Variants in THBS3 observed in about 807,000 individuals in gnomAD.
The protein encoded by THBS3 is thrombospondin-3.
Under a neutral mutation model 118.3 loss-of-function variants are expected in THBS3, and 78 were observed. The observed-to-expected ratio is 0.66, with a 90% confidence interval of 0.55 to 0.80. THBS3 has a LOEUF of 0.80. Among genes scored for constraint, THBS3 ranks in the 30% least tolerant of loss-of-function variants. The probability of loss-of-function intolerance (pLI) is 0.00; values close to 1 mark genes in which losing one functional copy is unlikely to be tolerated. For synonymous variants in THBS3, 427 were observed against 475.3 expected (o/e 0.90, Z 1.32); for missense variants, 1,057 against 1,247.4 (o/e 0.85, Z 2.30).
upstream of THBS3, chr1:155,208,926 C>A (rs1256804829): frequency 1.2e-6 from 2 of 1,611,252 alleles, no homozygotes; most frequent in Admixed American, 1.7e-5. Flanking sequence ...CGCACAAGAC[C>A]CCGCTCTCCA....
In THBS3 at chr1:155,196,070, G is replaced by T. The variant is rs760165277; in HGVS notation, c.2729C>A (p.Thr910Lys). The stretch of plus-strand genomic sequence containing the variant: ...ACCAAGACGCCCCCCTCGCATGGAT[G>T]TGTCAATGATCACCCCAGAATCCGC... ...LVADSGVIID[T>K]SMRGGRLGVF... The change falls in exon 22 of 23, where the codon ACA becomes AAA. Residue 910 changes from threonine (T) to lysine (K), a missense_variant. Physicochemically the swap from Thr to Lys is moderately conservative, Grantham distance 78. Coordinates refer to ENST00000368378, the MANE Select transcript of THBS3 (RefSeq NM_007112.5). 1 of 1,614,166 alleles carries T rather than the reference G, an allele frequency of 6.2e-7. No individual in the cohort carries two copies. Among genetic ancestry groups the T allele is most frequent in the Admixed American group, 1.7e-5 (1 of 60,036 alleles).
chr1:155,206,166 C>A lies in THBS3; in HGVS notation c.286+34G>T. Reference sequence around the variant, plus strand: ...GATGAGGGAGAGTGCTTAAGGAGGTCACCATTGCAAGAAAGGAGATGCCCA... The same window carrying A: ...GATGAGGGAGAGTGCTTAAGGAGGTAACCATTGCAAGAAAGGAGATGCCCA... On this transcript the variant is annotated intron_variant, in intron 2 of 22. Transcript: ENST00000368378. The surrounding 1 kb of genome is among the most constrained non-coding windows in gnomAD (Gnocchi z 4.2). 1.2e-6 allele frequency: 2 copies of A among 1,610,104 alleles called. No homozygotes were observed. Among genetic ancestry groups the A allele is most frequent in the South Asian group, 2.2e-5 (2 of 90,840 alleles).
upstream of THBS3, chr1:155,208,793 G>T (rs191739539): frequency 1.6e-4 from 239 of 1,517,962 alleles, 1 homozygote; most frequent in East Asian, 4.9e-3. Flanking sequence ...AACATAACGC[G>T]CTGTGGAAAA....
In THBS3 at chr1:155,199,863, G is replaced by A. The variant is rs1401005435; in HGVS notation, c.1828-7C>T. 2 of 1,614,072 alleles carry A rather than the reference G, an allele frequency of 1.2e-6. No individual in the cohort carries two copies. The highest frequency in any genetic ancestry group is 2.7e-5 in the African/African-American group (2 of 74,926). On this transcript the variant is annotated splice_region_variant and splice_polypyrimidine_tract_variant and intron_variant, in intron 15 of 22. Coordinates refer to ENST00000368378, the MANE Select transcript of THBS3 (RefSeq NM_007112.5). ...GGTCGCTGTCTGCATCTGTCTGAGA[G>A]AGAGGGACCTGTTCTCACCATCTCC...
chr1:155,200,839 CAG>C, intron 13 of THBS3, 56 bp downstream of exon 13: 1 of 1,613,222 alleles, frequency 6.2e-7, no homozygotes, highest in Non-Finnish European at 8.5e-7. Context: ...AAGTGAGGCA[CAG>C]AGAGGACAGG....
Position 155,196,841 on chromosome 1 carries a change from C to T in THBS3, c.2672+200G>A, listed in dbSNP as rs142638118. On this transcript the variant is annotated intron_variant, in intron 21 of 22. Transcript: ENST00000368378. Reference sequence around the variant, plus strand: ...TAAAGGGCATCTAACCCAATGCCCTCATTTTACAGACGGGAAAATGGGTCA... The same window carrying T: ...TAAAGGGCATCTAACCCAATGCCCTTATTTTACAGACGGGAAAATGGGTCA... 1.2e-3 allele frequency: 727 copies of T among 598,788 alleles called. 1 individual carries two copies. The highest frequency in any genetic ancestry group is 1.3e-3 in the Admixed American group (43 of 32,946). The allele number at this position is 598,788 out of a possible 1,614,324, so 37.1% of individuals were successfully genotyped here.
chr1:155,200,924 A>C lies in THBS3; in HGVS notation c.1521T>G (p.Ala507=). The change falls in exon 13 of 23, where the codon GCT becomes GCG. Residue 507 remains alanine (A), a synonymous_variant. Coordinates refer to ENST00000368378, the MANE Select transcript of THBS3 (RefSeq NM_007112.5). ...DGVGDQCDDD[A]DGDGIKNVED... The stretch of plus-strand genomic sequence containing the variant: ...CAACATTCTTGATCCCATCCCCATC[A>C]GCATCATCATCACACTGGTCCCCCA... The C allele has an allele frequency of 6.2e-7, 1 of 1,614,108 alleles. No homozygotes were observed. The highest frequency in any genetic ancestry group is 8.5e-7 in the Non-Finnish European group (1 of 1,180,014).
chr1:155,205,576 G>A (rs1473892500), intron 2 of THBS3: 4 of 465,466 alleles, frequency 8.6e-6, no homozygotes, highest in South Asian at 2.9e-5. Context: ...TCAGAAGTTC[G>A]AGAACAGCCT....
In THBS3 at chr1:155,200,912, C is replaced by G; in HGVS notation, c.1533G>C (p.Gly511=). ...TGGGAGTCACCTCAACATTCTTGAT[C>G]CCATCCCCATCAGCATCATCATCAC... ...DQCDDDADGD[G]IKNVEDNCRL... Residue 511 remains glycine (G), a synonymous_variant, in exon 13 of 23, where the codon GGG becomes GGC. Transcript: ENST00000368378. 1 of 1,613,956 alleles carries G rather than the reference C, an allele frequency of 6.2e-7. No individual in the cohort carries two copies. The highest frequency in any genetic ancestry group is 1.7e-4 in the Middle Eastern group (1 of 6,060).
At position 155,197,436 on chromosome 1, in the gene THBS3, G is replaced by C; in HGVS notation, c.2499+27C>G. 6.2e-7 allele frequency: 1 copy of C among 1,607,514 alleles called. No individual in the cohort carries two copies. On this transcript the variant is annotated intron_variant, in intron 20 of 22. Transcript: ENST00000368378. This position sits in a 1 kb window ranked among gnomAD's most constrained non-coding sequence, Gnocchi z 5.0. ...AGGAGAGCTTTGGGAAAGGGCCCTG[G>C]GTTGCGGAATCTGAGCAGCTGGGGA...
chr1:155,201,076 C>T lies in THBS3; in HGVS notation c.1440+18G>A. 2 of 1,614,194 alleles carry T rather than the reference C, an allele frequency of 1.2e-6. No individual in the cohort carries two copies. Among genetic ancestry groups the T allele is most frequent in the Non-Finnish European group, 1.7e-6 (2 of 1,180,034 alleles). On this transcript the variant is annotated intron_variant, in intron 12 of 22. Transcript: ENST00000368378. The stretch of plus-strand genomic sequence containing the variant: ...TTGGGCTCCCCACTACGCCCCCTTG[C>T]CCGCCTGCTCCCTGCACCTGTTTGC...
In THBS3 at chr1:155,201,094, C is replaced by G; in HGVS notation, c.1440G>C (p.Gln480His). 6.2e-7 allele frequency: 1 copy of G among 1,614,206 alleles called. No individual in the cohort carries two copies. The highest frequency in any genetic ancestry group is 8.5e-7 in the Non-Finnish European group (1 of 1,180,040). Residue 480 changes from glutamine (Q) to histidine (H), a missense_variant and splice_region_variant, in exon 12 of 23, where the codon CAG becomes CAC. By Grantham distance (24) the Gln-to-His change is conservative. Transcript: ENST00000368378. Reference sequence around the variant, plus strand: ...CCCCTTGCCCGCCTGCTCCCTGCACCTGTTTGCAGTGTTTGTTGTTGTCCA... The same window carrying G: ...CCCCTTGCCCGCCTGCTCCCTGCACGTGTTTGCAGTGTTTGTTGTTGTCCA... The part of the protein sequence containing the change: ...PCMDNNKHCK[Q>H]DNCLLTPNSG...
chr1:155,198,341 C>A (rs145340861), intron 17 of THBS3, 68 bp downstream of exon 17: 1 of 1,589,468 alleles, frequency 6.3e-7, no homozygotes, highest in Admixed American at 1.7e-5. Flanking sequence ...CACTTCCCAA[C>A]AGGGCTTGCT....
At chr1:155,198,298 A>T in intron 17 of THBS3, 78 bp from the exon 18 acceptor site, 1 of 1,591,350 alleles carries the variant, frequency 6.3e-7, no homozygotes, top group Non-Finnish European at 8.6e-7. Context: ...TTGGGCCTGC[A>T]TTCCTGACAT....
chr1:155,207,660 T>C, intron 1 of THBS3, 138 bp downstream of exon 1: 1 of 860,808 alleles, frequency 1.2e-6, no homozygotes. Flanking sequence ...TCACCAACTC[T>C]AGGCAGTCTT....
At chr1:155,198,652 C>T (rs747611066) in intron 16 of THBS3, 50 bp from the exon 17 acceptor site, 2 of 1,572,062 alleles carry the variant, frequency 1.3e-6, no homozygotes, top group Admixed American at 3.4e-5. Flanking sequence ...TACTCCTTGT[C>T]CTTCCCTTCG....
Position 155,201,545 on chromosome 1 carries a change from G to A in THBS3, c.1201C>T (p.Arg401Cys), listed in dbSNP as rs1014826693. 26 of 1,614,010 alleles carry A rather than the reference G, an allele frequency of 1.6e-5. No individual in the cohort carries two copies. The highest frequency in any genetic ancestry group is 5.0e-5 in the Admixed American group (3 of 59,998). Residue 401 changes from arginine to cysteine, a missense_variant, in exon 11 of 23, where the codon CGC (arginine) becomes TGC (cysteine). Physicochemically the swap from Arg to Cys is radical, Grantham distance 180. This residue lies in a region of THBS3 where 544 missense variants were observed against 715.6 expected (regional missense o/e 0.76). Coordinates refer to ENST00000368378, the MANE Select transcript of THBS3 (RefSeq NM_007112.5). ...CTCTGGTTGCCCAGGAAACCCAGGCGGCAGGGACCACACTTGAAAGAGCCC... is the reference window on the plus strand; with the variant it reads ...CTCTGGTTGCCCAGGAAACCCAGGCAGCAGGGACCACACTTGAAAGAGCCC... Reference protein sequence around the residue: ...TVGSFKCGPCRLGFLGNQSQG... With the variant: ...TVGSFKCGPCCLGFLGNQSQG...
intron 11 of THBS3, 25 bp downstream of exon 11, chr1:155,201,392 C>T (rs1669701179): frequency 6.3e-7 from 1 of 1,578,694 alleles, no homozygotes; most frequent in South Asian, 1.2e-5. Flanking sequence ...CTCCCTTTTC[C>T]TTCCACGCCT....
At position 155,195,652 on chromosome 1, in the gene THBS3, A is replaced by G; in HGVS notation, c.*189T>C. Reference sequence around the variant, plus strand: ...CTTTCCTGGGGTTAGTGCCTGAGTAATACCCCTTGAAAACTTCTCATCCCC... The same window carrying G: ...CTTTCCTGGGGTTAGTGCCTGAGTAGTACCCCTTGAAAACTTCTCATCCCC... On this transcript the variant is annotated 3_prime_UTR_variant, in exon 23 of 23. Coordinates refer to ENST00000368378, the MANE Select transcript of THBS3 (RefSeq NM_007112.5). 1.6e-6 allele frequency: 1 copy of G among 611,430 alleles called. No individual in the cohort carries two copies. The highest frequency in any genetic ancestry group is 1.9e-5 in the South Asian group (1 of 53,056). The allele number at this position is 611,430 out of a possible 1,614,324, so 37.9% of individuals were successfully genotyped here.
Sources: gnomAD v4.1 joint callset for allele counts on GRCh38, gnomAD v4.1.1 for gene constraint, gnomAD v4.1.1 regional missense constraint, Gnocchi (gnomAD v3.1) non-coding constraint, MANE v1.5 for transcripts, NCBI Gene and HGNC (gene_info 2026-07-23, HGNC 2026-07-21) for gene names.